Variants in SBF1 observed in about 807,000 individuals in gnomAD.
SBF1 encodes SET binding factor 1, also known as myotubularin-related protein 5.
SBF1 carries 65 observed loss-of-function variants against 215.8 expected under a neutral mutation model. The observed-to-expected ratio is 0.30, with a 90% CI of 0.25 to 0.37. The LOEUF (loss-of-function observed/expected upper bound fraction) is 0.37, where lower values mean the gene tolerates loss of function less well. Ranked by LOEUF, SBF1 falls within the 10% of genes least tolerant of loss-of-function variation. The probability of loss-of-function intolerance (pLI) is 1.00; values close to 1 mark genes in which losing one functional copy is unlikely to be tolerated. For missense variants in SBF1, 2,634 were observed against 2,667.8 expected (o/e 0.99, Z 0.28); for synonymous variants, 1,410 against 1,122.8 (o/e 1.26, Z -5.11).
Position 50,456,398 on chromosome 22 carries a change from G to A in SBF1, c.4087-3C>T, listed in dbSNP as rs2067247593. The A allele has an allele frequency of 5.6e-6, 9 of 1,611,888 alleles. No individual in the cohort carries two copies. Among genetic ancestry groups the A allele is most frequent in the Non-Finnish European group, 6.8e-6 (8 of 1,179,858 alleles). ...TGCAGGGGGTCTGACCGCACACCCT[G>A]AAAAGAATCCGGACAAGTCCCGTGA... On this transcript the variant is annotated splice_polypyrimidine_tract_variant and splice_region_variant and intron_variant, in intron 30 of 40. Coordinates refer to ENST00000380817, the MANE Select transcript of SBF1 (RefSeq NM_002972.4).
At chr22:50,449,822 T>C (rs1235956781) in intron 36 of SBF1, among the ~76,000 whole-genome samples, 3 of 152,168 alleles carry the variant, frequency 2.0e-5, no homozygotes, top group African/African-American at 7.2e-5. Flanking sequence ...TGACAGATAA[T>C]TAGTCTGAAC....
Position 50,446,552 on chromosome 22 carries a change from G to A in SBF1, c.*590C>T, listed in dbSNP as rs903709868. 7 of 273,892 alleles carry A rather than the reference G, an allele frequency of 2.6e-5. No individual in the cohort carries two copies. Among genetic ancestry groups the A allele is most frequent in the South Asian group, 2.1e-4 (6 of 28,452 alleles). 17.0% of individuals were successfully genotyped at this position (273,892 alleles called of 1,614,324 possible). On this transcript the variant is annotated 3_prime_UTR_variant, in exon 41 of 41. Transcript: ENST00000380817. The stretch of plus-strand genomic sequence containing the variant: ...GGATGGGGGCTTCCTCTCCAGCCGT[G>A]CCGGCCCCTAGACCAGCCCTGAGGC...
chr22:50,463,791 G>A (rs549245264), intron 15 of SBF1, among the ~76,000 whole-genome samples: 1 of 152,216 alleles, frequency 6.6e-6, no homozygotes, highest in East Asian at 1.9e-4. Context: ...TGGAGTTTGC[G>A]TTCTATTGCT....
chr22:50,467,072 GACAA>G (rs2067797228), intron 5 of SBF1: 1 of 587,448 alleles, frequency 1.7e-6, no homozygotes, highest in South Asian at 2.0e-5. Flanking sequence ...GCAGGGAGCA[GACAA>G]ACAAGCTGAC....
chr22:50,456,105 C>T, intron 31 of SBF1, 111 bp downstream of exon 31: 2 of 1,191,992 alleles, frequency 1.7e-6, no homozygotes, highest in Non-Finnish European at 2.3e-6. Context: ...TCACCTCCTC[C>T]TTCCAGCGCT....
intron 31 of SBF1, 69 bp from the exon 32 acceptor site, chr22:50,455,651 G>A: frequency 7.6e-7 from 1 of 1,318,006 alleles, no homozygotes; most frequent in Non-Finnish European, 1.1e-6. Context: ...CACCAGGCCA[G>A]AGACCCGCAT....
intron 22 of SBF1, 48 bp from the exon 23 acceptor site, chr22:50,461,334 G>A (rs778256914): frequency 6.4e-6 from 10 of 1,564,454 alleles, no homozygotes; most frequent in South Asian, 2.3e-5. Flanking sequence ...TAAGGGGGGG[G>A]GGGTCCCAGA....
intron 36 of SBF1, among the ~76,000 whole-genome samples, chr22:50,451,577 TA>T (rs2067049620): frequency 1.3e-5 from 2 of 152,186 alleles, no homozygotes; most frequent in South Asian, 4.2e-4. Flanking sequence ...TGAAATGTAT[TA>T]AATTTGACAA....
At position 50,464,863 on chromosome 22, in the gene SBF1, C is replaced by A. The variant is rs750024368; in HGVS notation, c.1387G>T (p.Val463Phe). ...MRADENHPQR[V>F]LRHVQELAEQ... ...GCCAGTTCCTGGACGTGACGCAGGA[C>A]ACGCTGGGGGTGGTTCTCATCCGCC... is the stretch of plus-strand genomic sequence containing the variant. Residue 463 changes from valine to phenylalanine, a missense_variant, in exon 13 of 41, where the codon GTC becomes TTC. By Grantham distance (50) the Val-to-Phe change is conservative. Transcript: ENST00000380817. 6.2e-7 allele frequency: 1 copy of A among 1,613,642 alleles called. No homozygotes were observed.
At position 50,445,934 on chromosome 22, in the gene SBF1, C is replaced by G. The variant is rs1464926539; in HGVS notation, c.*1208G>C. The G allele has an allele frequency of 6.5e-6, 1 of 153,034 alleles. No homozygotes were observed. The highest frequency in any genetic ancestry group is 1.5e-5 in the Non-Finnish European group (1 of 68,732). 9.5% of individuals were successfully genotyped at this position (153,034 alleles called of 1,614,324 possible). ...CTCGCCTCCCACCTGAGAGGACCAC[C>G]TGAGGGACCCAGCCTCTAGCCAGGT... On this transcript the variant is annotated 3_prime_UTR_variant, in exon 41 of 41. Coordinates refer to ENST00000380817, the MANE Select transcript of SBF1 (RefSeq NM_002972.4).
intron 39 of SBF1, 34 bp downstream of exon 39, chr22:50,447,488 C>G: frequency 1.2e-6 from 2 of 1,608,662 alleles, no homozygotes; most frequent in Non-Finnish European, 1.7e-6. Context: ...GAGCCCCCTC[C>G]CCCGTGAGTC....
Position 50,462,862 on chromosome 22 carries a change from G to T in SBF1, c.1968+8C>A. ...TGGGAAGGAGACCTCAGCCATGCCA[G>T]CACTCACCCGGCAGAAGGCTGTGAC... On this transcript the variant is annotated splice_region_variant and intron_variant, in intron 17 of 40. Coordinates refer to ENST00000380817, the MANE Select transcript of SBF1 (RefSeq NM_002972.4). 1 of 1,613,028 alleles carries T rather than the reference G, an allele frequency of 6.2e-7. No individual in the cohort carries two copies. The highest frequency in any genetic ancestry group is 8.5e-7 in the Non-Finnish European group (1 of 1,179,874).
chr22:50,458,570 T>C (rs980204364), intron 28 of SBF1, among the ~76,000 whole-genome samples: 4 of 152,080 alleles, frequency 2.6e-5, no homozygotes, highest in Non-Finnish European at 5.9e-5. Context: ...AAAATGTAAG[T>C]ATATAATGTG....
At position 50,459,271 on chromosome 22, in the gene SBF1, G is replaced by C; in HGVS notation, c.3810C>G (p.Ala1270=). 6.2e-7 allele frequency: 1 copy of C among 1,606,096 alleles called. No homozygotes were observed. The highest frequency in any genetic ancestry group is 1.1e-5 in the South Asian group (1 of 90,894). The change falls in exon 28 of 41, where the codon GCC becomes GCG. Residue 1270 remains alanine (A), a synonymous_variant. Coordinates refer to ENST00000380817, the MANE Select transcript of SBF1 (RefSeq NM_002972.4). ...GRNTLSGFSS[A]HMGSHVPSPR... ...CACCCTCACCGTGACTGCCCATGTG[G>C]GCTGAGGAGAAGCCGCTAAGCGTGT...
intron 15 of SBF1, among the ~76,000 whole-genome samples, chr22:50,464,079 C>T (rs1247108569): frequency 6.6e-6 from 1 of 152,218 alleles, no homozygotes; most frequent in Non-Finnish European, 1.5e-5. Context: ...AATAGTGAAA[C>T]CTTCTGATTT....
chr22:50,464,870 G>C lies in SBF1; in HGVS notation c.1380C>G (p.Pro460=). ...CCTGGACGTGACGCAGGACACGCTG[G>C]GGGTGGTTCTCATCCGCCCGCATCC... The part of the protein sequence containing the change: ...VARMRADENH[P]QRVLRHVQEL... Residue 460 remains proline (P), a synonymous_variant, in exon 13 of 41, where the codon CCC becomes CCG. Transcript: ENST00000380817. 3.7e-6 allele frequency: 6 copies of C among 1,613,726 alleles called. No homozygotes were observed. Among genetic ancestry groups the C allele is most frequent in the Non-Finnish European group, 5.1e-6 (6 of 1,180,024 alleles).
In SBF1 at chr22:50,455,157, G is replaced by A; in HGVS notation, c.4555-15C>T. The A allele has an allele frequency of 1.2e-6, 2 of 1,614,044 alleles. No homozygotes were observed. The highest frequency in any genetic ancestry group is 2.2e-5 in the South Asian group (2 of 91,086). ...TGCAGGTGGACCTGCACGCCATGTG[G>A]GTCAGGGGCCAGGGCTCAGCGGTCA... On this transcript the variant is annotated splice_polypyrimidine_tract_variant and intron_variant, in intron 33 of 40. Coordinates refer to ENST00000380817, the MANE Select transcript of SBF1 (RefSeq NM_002972.4).
At position 50,463,333 on chromosome 22, in the gene SBF1, C is replaced by G. The variant is rs751107533; in HGVS notation, c.1849G>C (p.Asp617His). Residue 617 changes from aspartate to histidine, a missense_variant, in exon 16 of 41, where the codon GAC (aspartate) becomes CAC (histidine). Coordinates refer to ENST00000380817, the MANE Select transcript of SBF1 (RefSeq NM_002972.4). ...ACGACAAAGTCAAACTGCTGGTGGT[C>G]CAGGACCGCACGGTTCTGCTGCACA... ...LHVQQNRAVL[D>H]HQQFDFVVRM... The G allele has an allele frequency of 9.9e-6, 16 of 1,612,710 alleles. No individual in the cohort carries two copies. Among genetic ancestry groups the G allele is most frequent in the African/African-American group, 2.7e-5 (2 of 74,932 alleles).
intron 1 of SBF1, among the ~76,000 whole-genome samples, chr22:50,472,034 G>A (rs905865294): frequency 6.6e-6 from 1 of 152,232 alleles, no homozygotes; most frequent in African/African-American, 2.4e-5. Flanking sequence ...AGACACCTCA[G>A]CACTGGCCAC....
Sources: gnomAD v4.1 joint callset for allele counts (sites outside exome capture counted in the v4.1 genomes callset) on GRCh38, gnomAD v4.1.1 for gene constraint, MANE v1.5 for transcripts, NCBI Gene and HGNC (gene_info 2026-07-23, HGNC 2026-07-21) for gene names.